Variants in C15orf61 observed in about 807,000 individuals in gnomAD.
C15orf61 encodes chromosome 15 open reading frame 61.
A neutral mutation model predicts 13.7 loss-of-function variants in C15orf61; 12 were observed. The ratio of observed to expected loss-of-function variants is 0.88; its 90% CI spans 0.56 to 1.42. C15orf61 has a LOEUF of 1.42. C15orf61 is among the 40% of genes most tolerant of loss of function. The pLI, the probability that C15orf61 is intolerant of heterozygous loss-of-function variation, is 0.00. For synonymous variants in C15orf61, 92 were observed against 94.1 expected (o/e 0.98, Z 0.13); for missense variants, 248 against 213.2 (o/e 1.16, Z -1.02).
intron 1 of C15orf61, 54 bp downstream of exon 1, chr15:67,521,648 C>T: frequency 7.2e-7 from 1 of 1,394,866 alleles, no homozygotes; most frequent in African/African-American, 1.4e-5. Flanking sequence ...CGGGACGGCC[C>T]CTCAGCCACC....
In C15orf61 at chr15:67,529,678, C is replaced by T. The variant is rs7172423; in HGVS notation, c.*3133C>T. The T allele has an allele frequency of 0.69, 104,453 of 152,252 alleles. 36,469 individuals are homozygous for T. The highest frequency in any genetic ancestry group is 0.8 in the Middle Eastern group (237 of 296). The allele number at this position is 152,252 out of a possible 1,614,324, so 9.4% of individuals were successfully genotyped here. On this transcript the variant is annotated 3_prime_UTR_variant, in exon 2 of 2. Transcript: ENST00000342683. The surrounding 1 kb of genome is among the most constrained non-coding windows in gnomAD (Gnocchi z 4.4). ...TCAGGTGATCTGCCGGCCTCGGCCT[C>T]CCAAAGTGCTGGGATTACAGGCATG...
At chr15:67,522,296 C>A (rs2084171191) in intron 1 of C15orf61, 1 of 687,718 alleles carries the variant, frequency 1.5e-6, no homozygotes, top group Non-Finnish European at 2.6e-6. Context: ...AACAGAAGGC[C>A]TCAAGATGTT....
Position 67,521,165 on chromosome 15 carries a change from G to A in C15orf61, c.-84G>A, listed in dbSNP as rs2084155454. On this transcript the variant is annotated 5_prime_UTR_variant, in exon 1 of 2. Coordinates refer to ENST00000342683, the MANE Select transcript of C15orf61 (RefSeq NM_001143936.2). ...GCTCTCGGGCACCCGCGCGGCGCCGGTTGGCCTTCCCGGCGCTCGCCCGGG... is the reference window on the plus strand; with the variant it reads ...GCTCTCGGGCACCCGCGCGGCGCCGATTGGCCTTCCCGGCGCTCGCCCGGG... 1 of 966,282 alleles carries A rather than the reference G, an allele frequency of 1.0e-6. No homozygotes were observed. Among genetic ancestry groups the A allele is most frequent in the Non-Finnish European group, 1.3e-6 (1 of 770,742 alleles). The allele number at this position is 966,282 out of a possible 1,614,324, so 59.9% of individuals were successfully genotyped here. A position where few individuals can be genotyped will look rare whatever the true frequency, so the allele number is the denominator to read the frequency against.
intron 1 of C15orf61, chr15:67,522,350 T>C (rs753565941): frequency 1.5e-6 from 1 of 655,942 alleles, no homozygotes; most frequent in Non-Finnish European, 2.7e-6. Context: ...TAGATTTCAG[T>C]GATTCAAAAT....
chr15:67,526,353 T>C (rs1472259077), intron 1 of C15orf61, 65 bp from the exon 2 acceptor site: 9 of 1,040,422 alleles, frequency 8.7e-6, no homozygotes, highest in Non-Finnish European at 1.3e-5. Flanking sequence ...AAGAGTGTTA[T>C]ACGTGATCAG....
chr15:67,526,171 A>T (rs2084197288), intron 1 of C15orf61, among the ~76,000 whole-genome samples: 1 of 152,240 alleles, frequency 6.6e-6, no homozygotes, highest in South Asian at 2.1e-4. Context: ...TAATGAATTT[A>T]TGAAGTACTC....
Position 67,525,670 on chromosome 15 carries a change from T to C in C15orf61, c.347-748T>C, listed in dbSNP as rs540848638. Among the ~76,000 whole-genome samples, 2 of 152,342 alleles carry C rather than the reference T, an allele frequency of 1.3e-5. No homozygotes were observed. The highest frequency in any genetic ancestry group is 1.3e-4 in the Admixed American group (2 of 15,300). Reference sequence around the variant, plus strand: ...AGACAGCTCTTTGACCGAGCTTCTTTTAAGTTGTACAAAAATTACTTCAAC... The same window carrying C: ...AGACAGCTCTTTGACCGAGCTTCTTCTAAGTTGTACAAAAATTACTTCAAC... On this transcript the variant is annotated intron_variant, in intron 1 of 1. Transcript: ENST00000342683. This position sits in a 1 kb window ranked among gnomAD's most constrained non-coding sequence, Gnocchi z 4.9.
rs1479782626 is a variant in C15orf61, at chr15:67,528,006, G to C, written c.*1461G>C. On this transcript the variant is annotated 3_prime_UTR_variant, in exon 2 of 2. Coordinates refer to ENST00000342683, the MANE Select transcript of C15orf61 (RefSeq NM_001143936.2). ...TATTAGCATTTTGCAGGGAAGGCTA[G>C]AACTGATTTCCTCTGTAATGGGCAA... 6.6e-6 allele frequency: 1 copy of C among 152,204 alleles called. No individual in the cohort carries two copies. The highest frequency in any genetic ancestry group is 1.5e-5 in the Non-Finnish European group (1 of 68,032). The allele number at this position is 152,204 out of a possible 1,614,324, so 9.4% of individuals were successfully genotyped here.
intron 1 of C15orf61, chr15:67,522,087 C>A: frequency 1.4e-6 from 1 of 701,666 alleles, no homozygotes; most frequent in Non-Finnish European, 2.6e-6. Context: ...ACTAAAAGCA[C>A]CAAAGGTTTT....
rs2084200216 is a variant in C15orf61, at chr15:67,526,568, A to T, written c.*23A>T. 4.7e-6 allele frequency: 7 copies of T among 1,484,188 alleles called. No homozygotes were observed. Among genetic ancestry groups the T allele is most frequent in the Non-Finnish European group, 6.3e-6 (7 of 1,111,726 alleles). The allele number at this position is 1,484,188 out of a possible 1,614,324, so 91.9% of individuals were successfully genotyped here. ...TGAAAGTGTGCGTCAAAGAACATAA[A>T]TATCAGTGGATTTTCTCTGTGTATA... is the stretch of plus-strand genomic sequence containing the variant. On this transcript the variant is annotated 3_prime_UTR_variant, in exon 2 of 2. Coordinates refer to ENST00000342683, the MANE Select transcript of C15orf61 (RefSeq NM_001143936.2).
At chr15:67,521,850 T>C in intron 1 of C15orf61, 1 of 613,876 alleles carries the variant, frequency 1.6e-6, no homozygotes, top group Non-Finnish European at 2.9e-6. Flanking sequence ...GTCGCCCTCC[T>C]GTCCTGCCCA....
At position 67,521,209 on chromosome 15, in the gene C15orf61, C is replaced by A. The variant is rs2084156233; in HGVS notation, c.-40C>A. The A allele has an allele frequency of 4.2e-6, 5 of 1,176,776 alleles. No individual in the cohort carries two copies. The East Asian group carries it at 1.7e-4, about 40-fold the overall frequency. The allele number at this position is 1,176,776 out of a possible 1,614,324, so 72.9% of individuals were successfully genotyped here. On this transcript the variant is annotated 5_prime_UTR_variant, in exon 1 of 2. Coordinates refer to ENST00000342683, the MANE Select transcript of C15orf61 (RefSeq NM_001143936.2). ...GCCCGGGGGCGCGCTTGCGCGCCAG[C>A]GGCTGCGGACACCAGCCTGCGTCCC... is the stretch of plus-strand genomic sequence containing the variant.
intron 1 of C15orf61, among the ~76,000 whole-genome samples, chr15:67,522,454 T>TA (rs1261201760): frequency 3.3e-5 from 5 of 152,340 alleles, no homozygotes; most frequent in African/African-American, 1.2e-4. Context: ...CTAATACTAT[T>TA]ACATAATCTG....
rs1445613057 is a variant in C15orf61, at chr15:67,521,152, C to T, written c.-97C>T. On this transcript the variant is annotated 5_prime_UTR_variant, in exon 1 of 2. Transcript: ENST00000342683. ...CCGCACACCGGGGGCTCTCGGGCAC[C>T]CGCGCGGCGCCGGTTGGCCTTCCCG... The T allele has an allele frequency of 2.4e-6, 2 of 834,558 alleles. No individual in the cohort carries two copies. Among genetic ancestry groups the T allele is most frequent in the African/African-American group, 1.8e-5 (1 of 54,414 alleles). The allele number at this position is 834,558 out of a possible 1,614,324, so 51.7% of individuals were successfully genotyped here.
intron 1 of C15orf61, among the ~76,000 whole-genome samples, chr15:67,524,837 G>GTTT (rs374398669): frequency 3.0e-4 from 37 of 122,778 alleles, no homozygotes; most frequent in African/African-American, 4.3e-4. Flanking sequence ...TTTTTTGTTT[G>GTTT]TTTTTTTTTT....
Position 67,521,399 on chromosome 15 carries a change from T to A in C15orf61, c.151T>A (p.Phe51Ile). The A allele has an allele frequency of 6.5e-7, 1 of 1,542,748 alleles. No homozygotes were observed. Among genetic ancestry groups the A allele is most frequent in the Non-Finnish European group, 8.7e-7 (1 of 1,146,540 alleles). Residue 51 changes from phenylalanine to isoleucine, a missense_variant, in exon 1 of 2, where the codon TTC becomes ATC. By Grantham distance (21) the Phe-to-Ile change is conservative (BLOSUM62 0). Coordinates refer to ENST00000342683, the MANE Select transcript of C15orf61 (RefSeq NM_001143936.2). ...GCGGCGCCTGCCGCACTGGACCTCC[T>A]TCTGCGTGCCCTACAGCGCCGTCCG... ...LQRRLPHWTSFCVPYSAVRND... is the reference protein window; with the variant it reads ...LQRRLPHWTSICVPYSAVRND...
rs1480624573 is a variant in C15orf61, at chr15:67,525,160, G to A, written c.347-1258G>A. ...CGCGTTCTTTATTACTAGAAAGAAAGTGATTTTCCAAATGTACAGCTATCC... is the reference window on the plus strand; with the variant it reads ...CGCGTTCTTTATTACTAGAAAGAAAATGATTTTCCAAATGTACAGCTATCC... On this transcript the variant is annotated intron_variant, in intron 1 of 1. Coordinates refer to ENST00000342683, the MANE Select transcript of C15orf61 (RefSeq NM_001143936.2). This position sits in a 1 kb window ranked among gnomAD's most constrained non-coding sequence, Gnocchi z 4.9. 6.6e-6 allele frequency among the ~76,000 whole-genome samples: 1 copy of A among 152,234 alleles called. No individual in the cohort carries two copies. Among genetic ancestry groups the A allele is most frequent in the Non-Finnish European group, 1.5e-5 (1 of 68,034 alleles).
At chr15:67,522,038 T>C in intron 1 of C15orf61, 1 of 700,254 alleles carries the variant, frequency 1.4e-6, no homozygotes, top group Non-Finnish European at 2.6e-6. Flanking sequence ...TTTAAGTTTC[T>C]TTTGTTTTCT....
rs546623288 is a variant in C15orf61, at chr15:67,526,390, T to A, written c.347-28T>A. 2.0e-4 allele frequency: 289 copies of A among 1,435,484 alleles called. 1 individual carries two copies. The African/African-American group carries it at 3.7e-3, about 18-fold the overall frequency. 88.9% of individuals were successfully genotyped at this position (1,435,484 alleles called of 1,614,324 possible). ...AACTTGCATGATTAATAAGCATTGATGTTTATACATATTCGTTTGTTTTCT... is the reference window on the plus strand; with the variant it reads ...AACTTGCATGATTAATAAGCATTGAAGTTTATACATATTCGTTTGTTTTCT... On this transcript the variant is annotated intron_variant, in intron 1 of 1. Coordinates refer to ENST00000342683, the MANE Select transcript of C15orf61 (RefSeq NM_001143936.2).
Sources: allele counts gnomAD v4.1 joint callset (sites outside exome capture counted in the v4.1 genomes callset), GRCh38; gene constraint gnomAD v4.1.1; non-coding constraint Gnocchi (gnomAD v3.1); transcripts MANE v1.5; gene names NCBI Gene and HGNC (gene_info 2026-07-23, HGNC 2026-07-21).